Variants in PEDS1 observed in about 807,000 individuals in gnomAD.
PEDS1 encodes CarF homolog.
Under a neutral mutation model 35.2 loss-of-function variants are expected in PEDS1, and 14 were observed. That is an observed-to-expected ratio of 0.40 (90% CI 0.26 to 0.62). The LOEUF is 0.62. PEDS1 is among the 20% of genes least tolerant of loss of function. The pLI is 0.44. For missense variants in PEDS1, 260 were observed against 367.8 expected, an observed-to-expected ratio of 0.71 and a Z score of 2.40; for synonymous variants, 152 against 152.0, an observed-to-expected ratio of 1.00 and a Z score of 0.00.
chr20:50,146,853 C>T (rs763578540), intron 1 of PEDS1, among the ~76,000 whole-genome samples: 5 of 152,172 alleles, frequency 3.3e-5, no homozygotes, highest in Non-Finnish European at 5.9e-5. Flanking sequence ...TTCTCTTGAG[C>T]CACGCAGCAC....
chr20:50,139,189 T>G (rs1489750336), intron 2 of PEDS1, among the ~76,000 whole-genome samples: 1 of 152,180 alleles, frequency 6.6e-6, no homozygotes, highest in Non-Finnish European at 1.5e-5. Flanking sequence ...GGACTCACTG[T>G]GCCCTCTGCC....
At chr20:50,152,156 G>A (rs955256250) in intron 1 of PEDS1, among the ~76,000 whole-genome samples, 3 of 152,188 alleles carry the variant, frequency 2.0e-5, no homozygotes, top group Non-Finnish European at 4.4e-5. Context: ...TAGCGGCATG[G>A]ACCAGGTGCC....
At chr20:50,149,842 C>T (rs1027431366) in intron 1 of PEDS1, among the ~76,000 whole-genome samples, 1 of 152,148 alleles carries the variant, frequency 6.6e-6, no homozygotes, top group Non-Finnish European at 1.5e-5. Flanking sequence ...ACCTAGCGCA[C>T]CCCCACCCGG....
intron 1 of PEDS1, among the ~76,000 whole-genome samples, chr20:50,145,400 T>A (rs2081335239): frequency 6.7e-6 from 1 of 149,950 alleles, no homozygotes; most frequent in Admixed American, 6.6e-5. Flanking sequence ...ATTTTAAACA[T>A]TAAAGGAAAT....
rs1360154484 is a variant in PEDS1 at position 50,142,686 on chromosome 20, C to G, written c.241+816G>C. 3.4e-5 allele frequency among the ~76,000 whole-genome samples: 3 copies of G among 88,656 alleles called. 1 individual carries two copies. The highest frequency in any genetic ancestry group is 1.2e-4 in the African/African-American group (3 of 24,222). The allele number at this position is 88,656 out of a possible 152,430, so 58.2% of individuals were successfully genotyped here. The stretch of plus-strand genomic sequence containing the variant: ...ACTCCTGACCTCAAGTCATCCGCCC[C>G]CCCCCCCCCGCCCCAACGGCCTCCC... On this transcript the variant is annotated intron_variant, in intron 2 of 5. Transcript: ENST00000371652.
chr20:50,153,347 C>A (rs1365685001), intron 1 of PEDS1, among the ~76,000 whole-genome samples, 170 bp downstream of exon 1: 1 of 152,112 alleles, frequency 6.6e-6, no homozygotes, highest in Non-Finnish European at 1.5e-5. Context: ...AAGGTTCTGG[C>A]TTGGGTTCGG....
At chr20:50,146,706 G>A (rs899326519) in intron 1 of PEDS1, among the ~76,000 whole-genome samples, 1 of 152,134 alleles carries the variant, frequency 6.6e-6, no homozygotes, top group African/African-American at 2.4e-5. Context: ...AACACACCAG[G>A]GTTACATGCC....
At chr20:50,143,651 C>T in intron 1 of PEDS1, 30 bp from the exon 2 acceptor site, 8 of 1,612,984 alleles carry the variant, frequency 5.0e-6, no homozygotes, top group South Asian at 2.2e-5. Flanking sequence ...GAGGTAAAGG[C>T]TGGAAGGTCA....
chr20:50,120,436 C>T lies in PEDS1; in HGVS notation c.*4622G>A, dbSNP rs530336899. Reference sequence around the variant, plus strand: ...ACCCGGCGTGATTCTTATTCTTTACCTATGCAAGCATTACCTATTGCTTAT... The same window carrying T: ...ACCCGGCGTGATTCTTATTCTTTACTTATGCAAGCATTACCTATTGCTTAT... On this transcript the variant is annotated 3_prime_UTR_variant, in exon 6 of 6. Coordinates refer to ENST00000371652, the MANE Select transcript of PEDS1 (RefSeq NM_199129.4). 2 of 153,076 alleles carry T rather than the reference C, an allele frequency of 1.3e-5. No homozygotes were observed. The highest frequency in any genetic ancestry group is 2.1e-4 in the South Asian group (1 of 4,878). The allele number at this position is 153,076 out of a possible 1,614,324, so 9.5% of individuals were successfully genotyped here. A position where few individuals can be genotyped will look rare whatever the true frequency, so the allele number is the denominator to read the frequency against.
intron 3 of PEDS1, 39 bp downstream of exon 3, chr20:50,130,817 A>AC (rs1414706084): frequency 6.2e-7 from 1 of 1,612,678 alleles, no homozygotes; most frequent in Non-Finnish European, 8.5e-7. Flanking sequence ...ATACAGCCCA[A>AC]CCTCCTTCTT....
intron 2 of PEDS1, among the ~76,000 whole-genome samples, chr20:50,136,154 C>T (rs986354416): frequency 6.6e-6 from 1 of 152,148 alleles, no homozygotes; most frequent in Non-Finnish European, 1.5e-5. Flanking sequence ...CCCGTGCCAA[C>T]GCCTTAAATG....
At chr20:50,126,978 C>T (rs186364369) in intron 5 of PEDS1, among the ~76,000 whole-genome samples, 2 of 152,174 alleles carry the variant, frequency 1.3e-5, no homozygotes, top group Non-Finnish European at 1.5e-5. Context: ...CTGCTCTGCC[C>T]GCTTCTCCCT....
rs1248395837 is a variant in PEDS1 at position 50,128,771 on chromosome 20, C to T, written c.479-584G>A. ...TAACGGCTCTTTAGAATTAGACCCA[C>T]TCAGAGGCAAAGGGACTAGCGTCGG... On this transcript the variant is annotated intron_variant, in intron 4 of 5. Coordinates refer to ENST00000371652, the MANE Select transcript of PEDS1 (RefSeq NM_199129.4). The surrounding 1 kb of genome is among the most constrained non-coding windows in gnomAD (Gnocchi z 5.2). Among the ~76,000 whole-genome samples, 1 of 152,236 alleles carries T rather than the reference C, an allele frequency of 6.6e-6. No individual in the cohort carries two copies. The highest frequency in any genetic ancestry group is 1.5e-5 in the Non-Finnish European group (1 of 68,044).
Position 50,129,782 on chromosome 20 carries a change from T to C in PEDS1, c.334-92A>G, listed in dbSNP as rs1400750657. 1.3e-6 allele frequency: 2 copies of C among 1,539,054 alleles called. No individual in the cohort carries two copies. Among genetic ancestry groups the C allele is most frequent in the African/African-American group, 2.7e-5 (2 of 73,330 alleles). On this transcript the variant is annotated intron_variant, in intron 3 of 5. Transcript: ENST00000371652. The surrounding 1 kb of genome is among the most constrained non-coding windows in gnomAD (Gnocchi z 4.2). Reference sequence around the variant, plus strand: ...TAAACACATTCACCCTGGGCTCACCTCCCGCCTTTGATCCTAAGTTTCCTC... The same window carrying C: ...TAAACACATTCACCCTGGGCTCACCCCCCGCCTTTGATCCTAAGTTTCCTC...
chr20:50,127,424 C>T (rs186309239), intron 5 of PEDS1, among the ~76,000 whole-genome samples: 1 of 150,086 alleles, frequency 6.7e-6, no homozygotes, highest in Non-Finnish European at 1.5e-5. Flanking sequence ...TTACTGCAAC[C>T]TCCACCTCCC....
At chr20:50,142,055 G>A (rs2081296661) in intron 2 of PEDS1, among the ~76,000 whole-genome samples, 1 of 152,164 alleles carries the variant, frequency 6.6e-6, no homozygotes, top group Non-Finnish European at 1.5e-5. Flanking sequence ...CCAGGGCCTG[G>A]GAGTGGAGAT....
intron 2 of PEDS1, among the ~76,000 whole-genome samples, chr20:50,138,957 C>T (rs1288706698): frequency 6.6e-6 from 1 of 152,138 alleles, no homozygotes; most frequent in Non-Finnish European, 1.5e-5. Flanking sequence ...CCAGCTGGGA[C>T]TTCCTCACCC....
chr20:50,150,075 T>G (rs2081387136), intron 1 of PEDS1, among the ~76,000 whole-genome samples: 1 of 151,988 alleles, frequency 6.6e-6, no homozygotes, highest in South Asian at 2.1e-4. Flanking sequence ...CCGATCAGGG[T>G]GAGCTTTAGG....
intron 1 of PEDS1, among the ~76,000 whole-genome samples, 189 bp downstream of exon 1, chr20:50,153,328 C>T (rs912227824): frequency 1.3e-5 from 2 of 152,056 alleles, no homozygotes; most frequent in African/African-American, 4.8e-5. Context: ...GCCAGGAAAC[C>T]CCGGGGCCAA....
Sources: allele counts gnomAD v4.1 joint callset (sites outside exome capture counted in the v4.1 genomes callset), GRCh38; gene constraint gnomAD v4.1.1; non-coding constraint Gnocchi (gnomAD v3.1); transcripts MANE v1.5; gene names NCBI Gene and HGNC (gene_info 2026-07-23, HGNC 2026-07-21).